ARFGEF3: variants seen among roughly 807,000 people sequenced by gnomAD.
The protein encoded by ARFGEF3 is brefeldin A-inhibited guanine nucleotide-exchange protein 3.
ARFGEF3 carries 96 observed loss-of-function variants against 221.7 expected under a neutral mutation model. That is an observed-to-expected ratio of 0.43 (90% CI 0.37 to 0.51). The LOEUF (loss-of-function observed/expected upper bound fraction) is 0.51, where lower values mean the gene tolerates loss of function less well. Among genes scored for constraint, ARFGEF3 ranks in the 20% least tolerant of loss-of-function variants. The pLI, the probability that ARFGEF3 is intolerant of heterozygous loss-of-function variation, is 0.00. For synonymous variants in ARFGEF3, 1,145 were observed against 1,126.8 expected (o/e 1.02, Z -0.32); for missense variants, 2,410 against 2,789.9 (o/e 0.86, Z 3.07).
intron 4 of ARFGEF3, chr6:138,218,352 T>C: frequency 6.4e-7 from 1 of 1,550,962 alleles, no homozygotes; most frequent in Non-Finnish European, 8.7e-7. Context: ...GTGAATAATA[T>C]TGTGCATATC....
intron 12 of ARFGEF3, among the ~76,000 whole-genome samples, chr6:138,277,199 C>T (rs1426433300): frequency 2.0e-5 from 3 of 152,168 alleles, no homozygotes; most frequent in African/African-American, 7.2e-5. Context: ...CTAATTTATT[C>T]TAGGTGCTTC....
At position 138,238,528 on chromosome 6, in the gene ARFGEF3, T is replaced by G. The variant is rs1281292196; in HGVS notation, c.440T>G (p.Ile147Arg). ...TAACAGGTGTGCATTGAGACGTACA[T>G]AAGCAGCTGTCACCAGCGTAGCATA... ...KIAEVCIETY[I>R]SSCHQRSINT... is the part of the protein sequence containing the mutation. Residue 147 changes from isoleucine to arginine, a missense_variant, in exon 6 of 34, where the codon ATA becomes AGA. This residue lies in a region of ARFGEF3 where 570 missense variants were observed against 586.9 expected (regional missense o/e 0.97). Transcript: ENST00000251691. 6.2e-7 allele frequency: 1 copy of G among 1,613,810 alleles called. No homozygotes were observed. Among genetic ancestry groups the G allele is most frequent in the African/African-American group, 1.3e-5 (1 of 75,058 alleles).
At chr6:138,211,610 T>C (rs1777729027) in intron 4 of ARFGEF3, among the ~76,000 whole-genome samples, 1 of 152,202 alleles carries the variant, frequency 6.6e-6, no homozygotes, top group Non-Finnish European at 1.5e-5. Flanking sequence ...AGAGTGAGCT[T>C]TGGTGTCATA....
At chr6:138,230,096 G>A (rs1778164752) in intron 5 of ARFGEF3, among the ~76,000 whole-genome samples, 1 of 152,084 alleles carries the variant, frequency 6.6e-6, no homozygotes, top group South Asian at 2.1e-4. Flanking sequence ...CCTTCACTAT[G>A]TAAATAACAG....
chr6:138,262,720 G>A lies in ARFGEF3; in HGVS notation c.1237G>A (p.Glu413Lys), dbSNP rs149573553. The stretch of plus-strand genomic sequence containing the variant: ...GTTTAGCATCATGGATGGCATGACC[G>A]AAGCATGCATCAAGGGTGGCATCGA... ...LLKLIMDGMT[E>K]ACIKGGIEAC... The change falls in exon 12 of 34, where the codon GAA becomes AAA. Residue 413 changes from glutamate to lysine, a missense_variant. By Grantham distance (56) the Glu-to-Lys change is moderately conservative. Around this residue, in one of 5 missense-constraint regions of ARFGEF3, gnomAD observed 570 missense variants for 586.9 expected, o/e 0.97. Transcript: ENST00000251691. The A allele has an allele frequency of 1.4e-4, 232 of 1,604,272 alleles. No individual in the cohort carries two copies. In the East Asian group the frequency reaches 4.9e-3, roughly 34 times the overall value.
intron 31 of ARFGEF3, among the ~76,000 whole-genome samples, chr6:138,327,263 T>C (rs1033759050): frequency 1.3e-5 from 2 of 151,928 alleles, no homozygotes; most frequent in East Asian, 3.9e-4. Flanking sequence ...AACTTAAAAC[T>C]TGAAAAAGAA....
rs755898363 is a variant in ARFGEF3, at chr6:138,319,699, T to C, written c.4475-4T>C. On this transcript the variant is annotated splice_polypyrimidine_tract_variant and splice_region_variant and intron_variant, in intron 27 of 33. Transcript: ENST00000251691. The stretch of plus-strand genomic sequence containing the variant: ...TTGTTGCTACGCTGACTTTTCTTTT[T>C]CAGGACCAGGGTTTGGTATCTATGC... 1.9e-6 allele frequency: 3 copies of C among 1,580,078 alleles called. No homozygotes were observed. The highest frequency in any genetic ancestry group is 2.6e-6 in the Non-Finnish European group (3 of 1,166,742).
rs1259593220 is a variant in ARFGEF3, at chr6:138,291,122, G to C, written c.3048-611G>C. On this transcript the variant is annotated intron_variant, in intron 18 of 33. Coordinates refer to ENST00000251691, the MANE Select transcript of ARFGEF3 (RefSeq NM_020340.5). The surrounding 1 kb of genome is among the most constrained non-coding windows in gnomAD (Gnocchi z 4.5). ...GGTTCTGTTGGGAACAAACCATTTA[G>C]GAGTTGGCAGTTGTAGCACATGTGG... Among the ~76,000 whole-genome samples, 1 of 152,116 alleles carries C rather than the reference G, an allele frequency of 6.6e-6. No individual in the cohort carries two copies. The highest frequency in any genetic ancestry group is 1.5e-5 in the Non-Finnish European group (1 of 68,010).
chr6:138,311,606 G>A lies in ARFGEF3; in HGVS notation c.4200+96G>A, dbSNP rs555851675. On this transcript the variant is annotated intron_variant, in intron 25 of 33. Transcript: ENST00000251691. ...GGGGGTCTTTTGCTGAAGCCCGAGA[G>A]AGACACTTTGCCGTCTGAGGAGATT... 6 of 792,186 alleles carry A rather than the reference G, an allele frequency of 7.6e-6. No individual in the cohort carries two copies. In the South Asian group the frequency reaches 9.5e-5, roughly 13 times the overall value. 49.1% of individuals were successfully genotyped at this position (792,186 alleles called of 1,614,324 possible).
intron 7 of ARFGEF3, 112 bp downstream of exon 7, chr6:138,243,106 A>G (rs2114555631): frequency 1.2e-6 from 1 of 855,474 alleles, no homozygotes; most frequent in Non-Finnish European, 1.9e-6. Flanking sequence ...TTGTTTTACC[A>G]TTCTCTTGGA....
chr6:138,202,892 A>G (rs1205697031), intron 2 of ARFGEF3, among the ~76,000 whole-genome samples: 2 of 151,754 alleles, frequency 1.3e-5, no homozygotes, highest in Admixed American at 6.6e-5. Context: ...ACACACACAC[A>G]TGCACACACA....
intron 32 of ARFGEF3, 42 bp downstream of exon 32, chr6:138,328,184 G>C (rs1333347092): frequency 1.3e-6 from 2 of 1,539,888 alleles, no homozygotes; most frequent in East Asian, 4.6e-5. Flanking sequence ...TTATAAATAA[G>C]AATGTTCATT....
intron 31 of ARFGEF3, among the ~76,000 whole-genome samples, chr6:138,325,482 A>G (rs555267349): frequency 2.6e-4 from 40 of 152,334 alleles, no homozygotes; most frequent in African/African-American, 9.4e-4. Flanking sequence ...AGCACATCCC[A>G]CTGAAGCCTC....
intron 2 of ARFGEF3, among the ~76,000 whole-genome samples, chr6:138,172,823 G>A (rs1328688777): frequency 6.6e-6 from 1 of 152,108 alleles, no homozygotes; most frequent in Non-Finnish European, 1.5e-5. Flanking sequence ...CTGTAGAAAT[G>A]TATTTTTAAT....
intron 3 of ARFGEF3, among the ~76,000 whole-genome samples, chr6:138,209,272 ATG>A (rs766349311): frequency 6.6e-6 from 1 of 152,116 alleles, no homozygotes; most frequent in South Asian, 2.1e-4. Flanking sequence ...TAGAAAGCAT[ATG>A]TGTGTGTGTG....
At position 138,207,054 on chromosome 6, in the gene ARFGEF3, G is replaced by C. The variant is rs1339326192; in HGVS notation, c.150G>C (p.Leu50=). 6.2e-7 allele frequency: 1 copy of C among 1,609,524 alleles called. No homozygotes were observed. Among genetic ancestry groups the C allele is most frequent in the Admixed American group, 1.7e-5 (1 of 59,472 alleles). Residue 50 remains leucine (L), a synonymous_variant, in exon 3 of 34, where the codon CTG becomes CTC. Transcript: ENST00000251691. ...TTGTGTTTGCCAGGGAGAAATGCCT[G>C]CTGCCTCTCCAGTTGGCTTTGGAAT... ...IPPHVLREKC[L]LPLQLALESK... is the part of the protein sequence containing the mutation.
At chr6:138,209,031 G>C (rs1442995347) in intron 3 of ARFGEF3, among the ~76,000 whole-genome samples, 1 of 152,096 alleles carries the variant, frequency 6.6e-6, no homozygotes, top group Non-Finnish European at 1.5e-5. Flanking sequence ...ATGAGAAAGA[G>C]ATAGAAAAAG....
At chr6:138,215,841 GGTGTGTGTGTGTGTGTGTGTGTGTGT>G (rs61141343) in intron 4 of ARFGEF3, 22 of 121,138 alleles carry the variant, frequency 1.8e-4, no homozygotes, top group African/African-American at 3.9e-4. Flanking sequence ...TAATCGGTCT[GGTGTGTGTGTGTGTGTGTGTGTGTGT>G]GTGTGTGTGT....
At chr6:138,332,236 T>C (rs564203125) in intron 32 of ARFGEF3, among the ~76,000 whole-genome samples, 55 of 152,286 alleles carry the variant, frequency 3.6e-4, no homozygotes, top group African/African-American at 1.2e-3. Context: ...GTCAGAACCA[T>C]TTCTCAGGGG....
Sources: allele counts gnomAD v4.1 joint callset (sites outside exome capture counted in the v4.1 genomes callset), GRCh38; gene constraint gnomAD v4.1.1; regional missense constraint gnomAD v4.1.1; non-coding constraint Gnocchi (gnomAD v3.1); transcripts MANE v1.5; gene names NCBI Gene and HGNC (gene_info 2026-07-23, HGNC 2026-07-21).